Variants in LINGO2 observed in about 807,000 individuals in gnomAD.
The protein encoded by LINGO2 is leucine-rich repeat and immunoglobulin-like domain-containing nogo receptor-interacting protein 2.
LINGO2 carries 14 observed loss-of-function variants against 30.6 expected under a neutral mutation model. The observed-to-expected ratio is 0.46, with a 90% confidence interval of 0.30 to 0.72. The LOEUF is 0.72. LINGO2 is among the 30% of genes least tolerant of loss of function. LINGO2 has a pLI of 0.07. For synonymous variants in LINGO2, 317 were observed against 288.5 expected (o/e 1.10, Z -1.00); for missense variants, 729 against 751.7 (o/e 0.97, Z 0.35).
At chr9:28,747,441 C>T in the LINGO2 span, among the ~76,000 whole-genome samples, 6 of 152,050 alleles carry the variant, frequency 3.9e-5, 1 homozygote, top group African/African-American at 1.5e-4. Flanking sequence ...GGACAAAGAC[C>T]TGGGTACCAA....
At chr9:28,655,757 C>T (rs1397916184) in intron 1 of LINGO2, among the ~76,000 whole-genome samples, 3 of 152,040 alleles carry the variant, frequency 2.0e-5, no homozygotes, top group African/African-American at 7.2e-5. Context: ...CTTCTTCTCC[C>T]TGCTGCCATG....
At chr9:28,324,396 GC>G (rs1393916036) in intron 3 of LINGO2, among the ~76,000 whole-genome samples, 2 of 152,090 alleles carry the variant, frequency 1.3e-5, no homozygotes, top group African/African-American at 4.8e-5. Flanking sequence ...TTGAATAAGG[GC>G]TGGTTAAAAT....
the LINGO2 span, among the ~76,000 whole-genome samples, chr9:28,691,174 T>A: frequency 6.6e-6 from 1 of 152,188 alleles, no homozygotes; most frequent in African/African-American, 2.4e-5. Flanking sequence ...TGGGGATATA[T>A]CTCAATAGTT....
chr9:28,071,372 A>G (rs1030633891), intron 4 of LINGO2, among the ~76,000 whole-genome samples: 1 of 152,100 alleles, frequency 6.6e-6, no homozygotes, highest in African/African-American at 2.4e-5. Flanking sequence ...TTAATATAGA[A>G]ACTGCAACAA....
At chr9:28,912,471 G>A in the LINGO2 span, among the ~76,000 whole-genome samples, 15 of 152,084 alleles carry the variant, frequency 9.9e-5, no homozygotes, top group African/African-American at 3.6e-4. Context: ...TTATTATGGA[G>A]AATCAGCCAT....
At chr9:28,972,661 T>C in the LINGO2 span, among the ~76,000 whole-genome samples, 2 of 152,086 alleles carry the variant, frequency 1.3e-5, no homozygotes, top group African/African-American at 4.8e-5. Flanking sequence ...AATGACATAT[T>C]GGGAGACTCG....
At chr9:28,348,191 G>T (rs1330717607) in intron 3 of LINGO2, among the ~76,000 whole-genome samples, 3 of 152,184 alleles carry the variant, frequency 2.0e-5, no homozygotes, top group African/African-American at 7.2e-5. Flanking sequence ...CTCCCAGCGT[G>T]AGCGACGCAG....
At chr9:28,368,520 A>G (rs1206646305) in intron 3 of LINGO2, among the ~76,000 whole-genome samples, 1 of 151,214 alleles carries the variant, frequency 6.6e-6, no homozygotes. Context: ...TTATTTAATT[A>G]TCTTATTTTT....
intron 1 of LINGO2, among the ~76,000 whole-genome samples, chr9:28,662,015 C>G (rs1359388669): frequency 6.6e-6 from 1 of 152,196 alleles, no homozygotes; most frequent in Admixed American, 6.5e-5. Context: ...GGAAATGGCA[C>G]TTTCAGAATA....
At chr9:28,225,275 T>C (rs953198209) in intron 4 of LINGO2, among the ~76,000 whole-genome samples, 1 of 152,194 alleles carries the variant, frequency 6.6e-6, no homozygotes, top group Non-Finnish European at 1.5e-5. Context: ...TATAACATGT[T>C]ATTGTGAGAT....
intron 1 of LINGO2, among the ~76,000 whole-genome samples, chr9:28,578,909 C>G (rs963819508): frequency 6.6e-6 from 1 of 152,056 alleles, no homozygotes; most frequent in African/African-American, 2.4e-5. Context: ...GGTTGTTACC[C>G]CAGTCATGGT....
chr9:28,972,424 CA>C, the LINGO2 span, among the ~76,000 whole-genome samples: 11 of 152,082 alleles, frequency 7.2e-5, no homozygotes, highest in Non-Finnish European at 1.6e-4. Flanking sequence ...AGAAGGAATT[CA>C]GAATTCTATG....
At chr9:28,299,659 G>C (rs893413848) in intron 3 of LINGO2, among the ~76,000 whole-genome samples, 1 of 152,050 alleles carries the variant, frequency 6.6e-6, no homozygotes, top group African/African-American at 2.4e-5. Flanking sequence ...GAAAGTTTAA[G>C]TTACTCACCC....
the LINGO2 span, among the ~76,000 whole-genome samples, chr9:28,877,651 G>A: frequency 1.3e-5 from 2 of 152,158 alleles, no homozygotes; most frequent in Admixed American, 6.5e-5. Flanking sequence ...TTTGGTGACT[G>A]TAGCCTTGTA....
chr9:28,469,209 AG>A (rs2135160395), intron 2 of LINGO2, among the ~76,000 whole-genome samples: 1 of 152,178 alleles, frequency 6.6e-6, no homozygotes, highest in African/African-American at 2.4e-5. Flanking sequence ...GAACAAGCAA[AG>A]AAAAGAATCA....
intron 4 of LINGO2, among the ~76,000 whole-genome samples, chr9:28,276,337 C>G (rs1230022111): frequency 6.6e-6 from 1 of 152,146 alleles, no homozygotes; most frequent in Non-Finnish European, 1.5e-5. Context: ...TGTCTTCTCT[C>G]ATCTTTATCT....
intron 4 of LINGO2, among the ~76,000 whole-genome samples, chr9:28,083,311 C>T (rs182021276): frequency 3.9e-5 from 6 of 152,200 alleles, no homozygotes; most frequent in African/African-American, 7.2e-5. Context: ...CGTGCTTGGT[C>T]GCTACAAGGA....
intron 2 of LINGO2, among the ~76,000 whole-genome samples, chr9:28,472,855 T>TATCA (rs573110915): frequency 8.8e-4 from 134 of 152,284 alleles, no homozygotes; most frequent in Non-Finnish European, 1.6e-3. Flanking sequence ...CAAAGACAGA[T>TATCA]ATCATTCTTC....
intron 4 of LINGO2, among the ~76,000 whole-genome samples, chr9:28,061,261 G>A (rs1423985133): frequency 6.6e-6 from 1 of 150,450 alleles, no homozygotes. Flanking sequence ...GGAAAACCAT[G>A]CTGGTAGTGA....
Sources: gnomAD v4.1 joint callset for allele counts (sites outside exome capture counted in the v4.1 genomes callset) on GRCh38, gnomAD v4.1.1 for gene constraint, MANE v1.5 for transcripts, NCBI Gene and HGNC (gene_info 2026-07-23, HGNC 2026-07-21) for gene names.